Variants in MTMR3 observed in about 807,000 individuals in gnomAD.
MTMR3 encodes phosphatidylinositol-3,5-bisphosphate 3-phosphatase MTMR3.
MTMR3 carries 32 observed loss-of-function variants against 132.4 expected under a neutral mutation model. The observed-to-expected ratio is 0.24, with a 90% CI of 0.18 to 0.32. The LOEUF (loss-of-function observed/expected upper bound fraction) is 0.32, where lower values mean the gene tolerates loss of function less well. MTMR3 is among the 10% of genes least tolerant of loss of function. The probability of loss-of-function intolerance (pLI) is 1.00; values close to 1 mark genes in which losing one functional copy is unlikely to be tolerated. For missense variants in MTMR3, 1,216 were observed against 1,489.6 expected, an observed-to-expected ratio of 0.82 and a Z score of 3.02; for synonymous variants, 556 against 550.3, an observed-to-expected ratio of 1.01 and a Z score of -0.14.
chr22:29,967,238 C>CAT (rs1569028500), intron 2 of MTMR3, among the ~76,000 whole-genome samples: 13 of 129,630 alleles, frequency 1.0e-4, no homozygotes, highest in African/African-American at 3.4e-4. Flanking sequence ...TGTGTGCATG[C>CAT]GCGCGCGCGC....
At chr22:29,922,061 T>C (rs571433417) in intron 1 of MTMR3, among the ~76,000 whole-genome samples, 4 of 151,184 alleles carry the variant, frequency 2.6e-5, no homozygotes, top group Non-Finnish European at 5.9e-5. Flanking sequence ...AGTTTTGCCC[T>C]TGTCACCCAG....
chr22:29,943,789 C>T (rs1420165735), intron 1 of MTMR3, among the ~76,000 whole-genome samples: 1 of 149,004 alleles, frequency 6.7e-6, no homozygotes, highest in East Asian at 2.0e-4. Context: ...AACCCCACCC[C>T]CAATGCCAGC....
At chr22:29,922,370 C>A (rs2065434569) in intron 1 of MTMR3, among the ~76,000 whole-genome samples, 1 of 151,978 alleles carries the variant, frequency 6.6e-6, no homozygotes, top group Non-Finnish European at 1.5e-5. Flanking sequence ...GTAGACTCTA[C>A]ATTTTGTTTA....
At chr22:29,938,066 C>G (rs947888049) in intron 1 of MTMR3, among the ~76,000 whole-genome samples, 3 of 152,174 alleles carry the variant, frequency 2.0e-5, no homozygotes, top group African/African-American at 7.2e-5. Flanking sequence ...ACTGACCCAG[C>G]ATGGCACTGG....
chr22:29,983,147 T>A (rs942476425), intron 5 of MTMR3: 1 of 152,186 alleles, frequency 6.6e-6, no homozygotes, highest in Non-Finnish European at 1.5e-5. Flanking sequence ...ATGAGTCCTT[T>A]TCCTCTTACT....
At chr22:30,017,301 T>C (rs1190130865) in intron 15 of MTMR3, 3 of 153,746 alleles carry the variant, frequency 2.0e-5, no homozygotes, top group Non-Finnish European at 1.4e-5. Context: ...TTTGTCAGAA[T>C]GCATCTTAGA....
intron 9 of MTMR3, chr22:30,006,444 C>T (rs763078144): frequency 6.6e-6 from 1 of 152,186 alleles, no homozygotes; most frequent in African/African-American, 2.4e-5. Flanking sequence ...GCTCTTGGTT[C>T]AGCATTAAGA....
At chr22:30,013,209 A>G in intron 13 of MTMR3, 147 bp from the exon 14 acceptor site, 2 of 648,540 alleles carry the variant, frequency 3.1e-6, no homozygotes, top group Non-Finnish European at 5.2e-6. Flanking sequence ...GTGCCTCATC[A>G]GGGATAGAGC....
At chr22:30,017,879 G>A (rs756415063) in intron 15 of MTMR3, 48 bp from the exon 16 acceptor site, 1 of 1,609,040 alleles carries the variant, frequency 6.2e-7, no homozygotes, top group South Asian at 1.1e-5. Context: ...AGACATCCTA[G>A]AAGACTTATT....
intron 1 of MTMR3, among the ~76,000 whole-genome samples, chr22:29,906,864 G>C (rs540345564): frequency 6.6e-6 from 1 of 151,816 alleles, no homozygotes; most frequent in Non-Finnish European, 1.5e-5. Flanking sequence ...GATCACTTGA[G>C]GCCAGGAGTT....
chr22:30,013,458 C>G lies in MTMR3; in HGVS notation c.1420C>G (p.Pro474Ala). The G allele has an allele frequency of 6.2e-7, 1 of 1,614,114 alleles. No individual in the cohort carries two copies. Among genetic ancestry groups the G allele is most frequent in the Non-Finnish European group, 8.5e-7 (1 of 1,180,010 alleles). Residue 474 changes from proline to alanine, a missense_variant, in exon 14 of 20, where the codon CCA becomes GCA. Physicochemically the swap from Pro to Ala is conservative, Grantham distance 27. Coordinates refer to ENST00000401950, the MANE Select transcript of MTMR3 (RefSeq NM_021090.4). ...ENSDDLNERC[P>A]VFLQWLDCVH... ...CTCGGATGATCTGAATGAACGTTGC[C>G]CAGTGTTTCTGCAGTGGCTTGACTG...
At chr22:29,963,749 T>C (rs970055904) in intron 2 of MTMR3, among the ~76,000 whole-genome samples, 14 of 152,040 alleles carry the variant, frequency 9.2e-5, no homozygotes, top group African/African-American at 3.1e-4. Context: ...TTCTGTTTAT[T>C]CATCCATCTG....
intron 1 of MTMR3, among the ~76,000 whole-genome samples, chr22:29,936,522 A>G (rs2065753357): frequency 6.6e-6 from 1 of 152,106 alleles, no homozygotes; most frequent in South Asian, 2.1e-4. Context: ...GGAAAACCTG[A>G]TTTCTTGATT....
intron 1 of MTMR3, among the ~76,000 whole-genome samples, chr22:29,943,561 T>C (rs1307494597): frequency 6.6e-6 from 1 of 152,128 alleles, no homozygotes; most frequent in African/African-American, 2.4e-5. Flanking sequence ...CATAGAAATT[T>C]TAGCTGAAGT....
chr22:30,013,211 G>A, intron 13 of MTMR3, 145 bp from the exon 14 acceptor site: 1 of 683,582 alleles, frequency 1.5e-6, no homozygotes, highest in African/African-American at 1.8e-5. Flanking sequence ...GCCTCATCAG[G>A]GATAGAGCCT....
At chr22:29,913,471 T>C (rs548025708) in intron 1 of MTMR3, among the ~76,000 whole-genome samples, 4 of 152,170 alleles carry the variant, frequency 2.6e-5, no homozygotes, top group Non-Finnish European at 5.9e-5. Context: ...CTTTGACTCT[T>C]TTTGCTGCCA....
Position 30,007,100 on chromosome 22 carries a change from T to G in MTMR3, c.672-14T>G. On this transcript the variant is annotated splice_polypyrimidine_tract_variant and intron_variant, in intron 9 of 19. Transcript: ENST00000401950. ...CTGAATGGGTACAGTTGTTGTCTCT[T>G]GTTCCTCACACAGGCACCAGAGCAA... 1 of 1,612,924 alleles carries G rather than the reference T, an allele frequency of 6.2e-7. No homozygotes were observed. The highest frequency in any genetic ancestry group is 1.1e-5 in the South Asian group (1 of 91,028).
At chr22:29,884,025 A>T (rs2064611906) in intron 1 of MTMR3, among the ~76,000 whole-genome samples, 1 of 152,116 alleles carries the variant, frequency 6.6e-6, no homozygotes, top group Admixed American at 6.6e-5. Flanking sequence ...GCATTTCCGG[A>T]CCCATAAGAT....
chr22:29,988,314 C>A, intron 5 of MTMR3, 166 bp from the exon 6 acceptor site: 1 of 427,356 alleles, frequency 2.3e-6, no homozygotes, highest in Non-Finnish European at 4.2e-6. Flanking sequence ...AGTCCTAATT[C>A]ACTTTGTAGT....
Sources: allele counts gnomAD v4.1 joint callset (sites outside exome capture counted in the v4.1 genomes callset), GRCh38; gene constraint gnomAD v4.1.1; transcripts MANE v1.5; gene names NCBI Gene and HGNC (gene_info 2026-07-23, HGNC 2026-07-21).